Variants in SPOCK1 observed in about 807,000 individuals in gnomAD.
SPOCK1 encodes SPARC (osteonectin), cwcv and kazal like domains proteoglycan 1.
A neutral mutation model predicts 55.3 loss-of-function variants in SPOCK1; 23 were observed. The ratio of observed to expected loss-of-function variants is 0.42; its 90% CI spans 0.30 to 0.59. The LOEUF (loss-of-function observed/expected upper bound fraction) is 0.59, where lower values mean the gene tolerates loss of function less well. SPOCK1 is among the 20% of genes least tolerant of loss of function. The pLI is 0.22. For missense variants in SPOCK1, 499 were observed against 552.5 expected, an observed-to-expected ratio of 0.90 and a Z score of 0.97; for synonymous variants, 226 against 221.0, an observed-to-expected ratio of 1.02 and a Z score of -0.20.
intron 2 of SPOCK1, among the ~76,000 whole-genome samples, chr5:137,412,231 C>T (rs1752221942): frequency 1.3e-5 from 2 of 152,242 alleles, no homozygotes; most frequent in East Asian, 3.8e-4. Flanking sequence ...TTGCACTCTG[C>T]AGGCCCATTC....
intron 3 of SPOCK1, among the ~76,000 whole-genome samples, chr5:137,160,613 TAA>T (rs1491291064): frequency 2.6e-4 from 21 of 81,352 alleles, no homozygotes; most frequent in African/African-American, 8.3e-4. Flanking sequence ...ATATAATATA[TAA>T]TATATATTTT....
intron 2 of SPOCK1, among the ~76,000 whole-genome samples, chr5:137,492,525 G>A (rs1235744998): frequency 6.6e-6 from 1 of 152,116 alleles, no homozygotes; most frequent in African/African-American, 2.4e-5. Flanking sequence ...TTATACAAGC[G>A]AGTATGTTTT....
chr5:137,174,674 A>G (rs754295981), intron 3 of SPOCK1, among the ~76,000 whole-genome samples: 2 of 152,216 alleles, frequency 1.3e-5, no homozygotes, highest in Non-Finnish European at 2.9e-5. Context: ...AAAAGGGAGC[A>G]TTTGTCTTGA....
At position 137,434,463 on chromosome 5, in the gene SPOCK1, CT is replaced by C. The variant is rs1752812951; in HGVS notation, c.186+63909del. Among the ~76,000 whole-genome samples, 3 of 137,942 alleles carry C rather than the reference CT, an allele frequency of 2.2e-5. No individual in the cohort carries two copies. In the South Asian group the frequency reaches 7.2e-4, roughly 33 times the overall value. The allele number at this position is 137,942 out of a possible 152,430, so 90.5% of individuals were successfully genotyped here. A position where few individuals can be genotyped will look rare whatever the true frequency, so the allele number is the denominator to read the frequency against. ...AGTGATTGAGAAAAAGATTTCCCTT[CT>C]CCATTTCTTTTTTTTCTTTTTTTTT... On this transcript the variant is annotated intron_variant, in intron 2 of 10. Transcript: ENST00000394945.
intron 2 of SPOCK1, among the ~76,000 whole-genome samples, chr5:137,459,585 G>A (rs1045826097): frequency 4.6e-5 from 7 of 151,658 alleles, no homozygotes; most frequent in Admixed American, 6.6e-5. Flanking sequence ...CCATCTTTCC[G>A]GACTATTTCA....
intron 2 of SPOCK1, among the ~76,000 whole-genome samples, chr5:137,397,114 A>G (rs187256576): frequency 4.6e-5 from 7 of 152,254 alleles, no homozygotes; most frequent in African/African-American, 1.4e-4. Context: ...CAAAAGCTCA[A>G]CACCCTGCTC....
intron 6 of SPOCK1, among the ~76,000 whole-genome samples, chr5:136,999,553 C>T (rs1310473031): frequency 6.6e-6 from 1 of 152,154 alleles, no homozygotes; most frequent in African/African-American, 2.4e-5. Flanking sequence ...TGGTGTTCCA[C>T]GCTGGTCTCA....
Position 137,274,783 on chromosome 5 carries a change from A to T in SPOCK1, c.187-7728T>A, listed in dbSNP as rs541536815. 2.3e-4 allele frequency among the ~76,000 whole-genome samples: 35 copies of T among 152,358 alleles called. No homozygotes were observed. The East Asian group carries it at 2.5e-3, about 11-fold the overall frequency. On this transcript the variant is annotated intron_variant, in intron 2 of 10. Transcript: ENST00000394945. The stretch of plus-strand genomic sequence containing the variant: ...GTCTCATGTATGAAGAGAGATTTTT[A>T]AAAAATCAATGAAATTTGAAAACTT...
chr5:137,154,266 A>G (rs998651491), intron 3 of SPOCK1, among the ~76,000 whole-genome samples: 3 of 152,158 alleles, frequency 2.0e-5, no homozygotes, highest in East Asian at 3.9e-4. Flanking sequence ...CAGCCTGGGC[A>G]ACAAGAGCAA....
rs555818890 is a variant in SPOCK1, at chr5:137,446,245, T to C, written c.186+52128A>G. Among the ~76,000 whole-genome samples the C allele has an allele frequency of 2.0e-5, 3 of 152,302 alleles. No individual in the cohort carries two copies. In the East Asian group the frequency reaches 5.8e-4, roughly 29 times the overall value. On this transcript the variant is annotated intron_variant, in intron 2 of 10. Coordinates refer to ENST00000394945, the MANE Select transcript of SPOCK1 (RefSeq NM_004598.4). ...TGGGGAGACAGAAGCACCCAAAGAC[T>C]TTTTTCCTGCTGTACCTTGTAAAAA...
intron 6 of SPOCK1, among the ~76,000 whole-genome samples, chr5:137,058,070 G>A (rs867082767): frequency 1.3e-5 from 2 of 152,180 alleles, no homozygotes; most frequent in African/African-American, 2.4e-5. Flanking sequence ...CTGTGATCTC[G>A]TAAAGGGCTA....
chr5:137,250,374 A>G (rs1458760252), intron 3 of SPOCK1, among the ~76,000 whole-genome samples: 2 of 152,234 alleles, frequency 1.3e-5, no homozygotes, highest in African/African-American at 4.8e-5. Context: ...ACAATAATAG[A>G]TAGCCTCAAC....
chr5:137,380,973 C>T (rs763350028), intron 2 of SPOCK1, among the ~76,000 whole-genome samples: 2 of 152,168 alleles, frequency 1.3e-5, no homozygotes, highest in Non-Finnish European at 2.9e-5. Context: ...AGGATCATCT[C>T]CCACTAAGAG....
intron 3 of SPOCK1, among the ~76,000 whole-genome samples, chr5:137,233,201 T>C (rs1756100487): frequency 6.6e-6 from 1 of 152,234 alleles, no homozygotes; most frequent in Admixed American, 6.5e-5. Context: ...ATATTTATTG[T>C]GTACTTTATT....
At chr5:137,364,675 G>GC (rs891214390) in intron 2 of SPOCK1, among the ~76,000 whole-genome samples, 24 of 152,018 alleles carry the variant, frequency 1.6e-4, no homozygotes, top group African/African-American at 5.5e-4. Context: ...ATCTGAACCT[G>GC]CCCCCCCGAG....
At chr5:137,354,411 G>A (rs1056810574) in intron 2 of SPOCK1, among the ~76,000 whole-genome samples, 5 of 151,882 alleles carry the variant, frequency 3.3e-5, no homozygotes, top group South Asian at 2.1e-4. Flanking sequence ...CCAGGATGAC[G>A]TTGCACCCTC....
At chr5:137,335,468 T>C (rs1161991859) in intron 2 of SPOCK1, among the ~76,000 whole-genome samples, 2 of 152,360 alleles carry the variant, frequency 1.3e-5, no homozygotes, top group South Asian at 2.1e-4. Flanking sequence ...ATCATGAATA[T>C]GCACTTGCTT....
intron 2 of SPOCK1, among the ~76,000 whole-genome samples, chr5:137,484,253 C>T (rs1442294343): frequency 6.6e-6 from 1 of 152,206 alleles, no homozygotes. Context: ...GGCTGAGATT[C>T]ATTAATATCC....
chr5:137,078,205 A>G (rs1269248096), intron 5 of SPOCK1, among the ~76,000 whole-genome samples: 3 of 152,130 alleles, frequency 2.0e-5, no homozygotes, highest in African/African-American at 7.2e-5. Flanking sequence ...CCCAGCCTGG[A>G]TATGTGGGCT....
Sources: allele counts gnomAD v4.1 joint callset (sites outside exome capture counted in the v4.1 genomes callset), GRCh38; gene constraint gnomAD v4.1.1; transcripts MANE v1.5; gene names NCBI Gene and HGNC (gene_info 2026-07-23, HGNC 2026-07-21).